The following TBX22 variants were observed in gnomAD, a reference collection of about 807,000 sequenced individuals.
TBX22 encodes T-box transcription factor TBX22.
In TBX22, 8 loss-of-function variants were observed where a neutral mutation model predicts 30.1. The observed-to-expected ratio is 0.27, with a 90% CI of 0.16 to 0.48. The LOEUF is 0.48. Among genes scored for constraint, TBX22 ranks in the 20% least tolerant of loss-of-function variants. The pLI is 0.99. For synonymous variants in TBX22, 173 were observed against 149.1 expected (o/e 1.16, Z -1.17); for missense variants, 463 against 400.5 (o/e 1.16, Z -1.33).
chrX:80,027,381 T>G (rs1475040953), intron 7 of TBX22, 61 bp downstream of exon 7: 3 of 640,600 alleles, frequency 4.7e-6, no homozygotes, highest in East Asian at 3.4e-5. Context: ...CAAGTTTTTT[T>G]TTTTTTTTTT....
chrX:80,024,267 G>A (rs928308374), intron 4 of TBX22, 103 bp downstream of exon 4: 6 of 726,709 alleles, frequency 8.3e-6, no homozygotes, highest in Middle Eastern at 4.3e-4. Flanking sequence ...CTCTAGCATG[G>A]GGGGTGGGAG....
chrX:80,020,289 TTAGA>T lies in TBX22; in HGVS notation c.-2-1953_-2-1950del, dbSNP rs3048745. ...TAAAATATAGATAGATAGAGATAGA[TTAGA>T]TAGATAGATAGATAGATAGATAGAT... On this transcript the variant is annotated intron_variant, in intron 1 of 8. Transcript: ENST00000373296. Among the ~76,000 whole-genome samples, 199 of 104,662 alleles carry T rather than the reference TTAGA, an allele frequency of 1.9e-3. 1 individual carries two copies. Among genetic ancestry groups the T allele is most frequent in the Admixed American group, 6.4e-3 (61 of 9,580 alleles). The allele number at this position is 104,662 out of a possible 115,157, so 90.9% of individuals were successfully genotyped here. A position where few individuals can be genotyped will look rare whatever the true frequency, so the allele number is the denominator to read the frequency against.
chrX:80,025,681 C>A lies in TBX22; in HGVS notation c.537C>A (p.His179Gln). 1.7e-6 allele frequency: 2 copies of A among 1,208,658 alleles called. No individual in the cohort carries two copies. Among genetic ancestry groups the A allele is most frequent in the Non-Finnish European group, 2.2e-6 (2 of 892,770 alleles). ...HLCIIPRFYVHPDSPCSGETW... is the reference protein window; with the variant it reads ...HLCIIPRFYVQPDSPCSGETW... ...GCATCATTCCTAGATTCTATGTTCA[C>A]CCGGACTCACCCTGCTCGGGAGAGA... is the stretch of plus-strand genomic sequence containing the variant. Residue 179 changes from histidine (H) to glutamine (Q), a missense_variant, in exon 5 of 9, where the codon CAC becomes CAA. His to Gln is a conservative substitution (Grantham distance 24). Coordinates refer to ENST00000373296, the MANE Select transcript of TBX22 (RefSeq NM_001109878.2).
chrX:80,025,670 T>C lies in TBX22; in HGVS notation c.526T>C (p.Phe176Leu), dbSNP rs755501455. The part of the protein sequence containing the change: ...NTDHLCIIPR[F>L]YVHPDSPCSG... ...AGACCATTTGTGCATCATTCCTAGA[T>C]TCTATGTTCACCCGGACTCACCCTG... Residue 176 changes from phenylalanine (F) to leucine (L), a missense_variant, in exon 5 of 9, where the codon TTC becomes CTC. Physicochemically the swap from Phe to Leu is conservative, Grantham distance 22 (BLOSUM62 0). Coordinates refer to ENST00000373296, the MANE Select transcript of TBX22 (RefSeq NM_001109878.2). 1 of 1,207,575 alleles carries C rather than the reference T, an allele frequency of 8.3e-7. No individual in the cohort carries two copies. The highest frequency in any genetic ancestry group is 1.8e-5 in the African/African-American group (1 of 57,071).
chrX:80,029,105 CTTAA>C (rs1358382663), intron 8 of TBX22, among the ~76,000 whole-genome samples: 1 of 112,104 alleles, frequency 8.9e-6, no homozygotes, highest in Non-Finnish European at 1.9e-5. Flanking sequence ...ACACAGTTTT[CTTAA>C]TTATTTAACA....
At chrX:80,019,062 T>A (rs1472427356) in intron 1 of TBX22, among the ~76,000 whole-genome samples, 1 of 112,086 alleles carries the variant, frequency 8.9e-6, no homozygotes, top group East Asian at 2.8e-4. Context: ...AAGAAAGTGA[T>A]CTTCCAAATT....
chrX:80,027,241 C>G lies in TBX22; in HGVS notation c.799-15C>G. ...AAGCAATGACTTTATCTTTCTCTCT[C>G]TATTGAATCCATAGATTACGAAACT... On this transcript the variant is annotated splice_polypyrimidine_tract_variant and intron_variant, in intron 6 of 8. Transcript: ENST00000373296. The G allele has an allele frequency of 1.1e-6, 1 of 909,693 alleles. No homozygotes were observed. Among genetic ancestry groups the G allele is most frequent in the Non-Finnish European group, 1.6e-6 (1 of 621,628 alleles). 75.0% of individuals were successfully genotyped at this position (909,693 alleles called of 1,213,427 possible).
At chrX:80,022,146 TTTG>T in intron 1 of TBX22, 119 bp from the exon 2 acceptor site, 2 of 679,671 alleles carry the variant, frequency 2.9e-6, no homozygotes, top group Non-Finnish European at 4.5e-6. Context: ...TTTGTTTTGT[TTTG>T]TTTTTCCCGC....
chrX:80,031,593 G>A lies in TBX22; in HGVS notation c.*482G>A, dbSNP rs951450333. The A allele has an allele frequency of 8.6e-6, 1 of 116,145 alleles. No individual in the cohort carries two copies. Among genetic ancestry groups the A allele is most frequent in the South Asian group, 3.3e-4 (1 of 3,070 alleles). The allele number at this position is 116,145 out of a possible 1,213,427, so 9.6% of individuals were successfully genotyped here. ...AAATTTAATTATTTGTTTGCCTCATGCCTTTATACTTTGCTGTTGAAGAAA... is the reference window on the plus strand; with the variant it reads ...AAATTTAATTATTTGTTTGCCTCATACCTTTATACTTTGCTGTTGAAGAAA... On this transcript the variant is annotated 3_prime_UTR_variant, in exon 9 of 9. Coordinates refer to ENST00000373296, the MANE Select transcript of TBX22 (RefSeq NM_001109878.2).
rs368136178 is a variant in TBX22, at chrX:80,024,158, G to A, written c.452G>A (p.Arg151His). Residue 151 changes from arginine to histidine, a missense_variant, in exon 4 of 9, where the codon CGC becomes CAC. By Grantham distance (29) the Arg-to-His change is conservative (BLOSUM62 0). Coordinates refer to ENST00000373296, the MANE Select transcript of TBX22 (RefSeq NM_001109878.2). ...AIDVVPVDSK[R>H]YRYVYHSSQW... is the part of the protein sequence containing the mutation. ...GATGTGGTGCCGGTGGATTCCAAAC[G>A]CTATAGGTAATGGGCCCCATAGAAT... 3 of 1,208,224 alleles carry A rather than the reference G, an allele frequency of 2.5e-6. No homozygotes were observed. Among genetic ancestry groups the A allele is most frequent in the East Asian group, 5.9e-5 (2 of 33,759 alleles).
Position 80,025,720 on chromosome X carries a change from G to C in TBX22, c.576G>C (p.Gln192His). The C allele has an allele frequency of 8.3e-7, 1 of 1,209,550 alleles. No homozygotes were observed. The highest frequency in any genetic ancestry group is 1.1e-6 in the Non-Finnish European group (1 of 894,924). Residue 192 changes from glutamine to histidine, a missense_variant, in exon 5 of 9, where the codon CAG (glutamine) becomes CAC (histidine). By Grantham distance (24) the Gln-to-His change is conservative (BLOSUM62 0). Transcript: ENST00000373296. ...SPCSGETWMR[Q>H]IISFDRMKLT... ...GCTCGGGAGAGACCTGGATGCGGCAGATCATCAGCTTTGATCGCATGAAAC... is the reference window on the plus strand; with the variant it reads ...GCTCGGGAGAGACCTGGATGCGGCACATCATCAGCTTTGATCGCATGAAAC...
chrX:80,015,198 A>G (rs1482540274), intron 1 of TBX22, among the ~76,000 whole-genome samples: 1 of 112,244 alleles, frequency 8.9e-6, no homozygotes, highest in African/African-American at 3.2e-5. Flanking sequence ...TCCCTCTCCT[A>G]GGCAGCAATG....
Position 80,028,113 on chromosome X carries a change from A to G in TBX22, c.949+37A>G, listed in dbSNP as rs766554460. 5 of 1,100,714 alleles carry G rather than the reference A, an allele frequency of 4.5e-6. No homozygotes were observed. The African/African-American group carries it at 5.7e-5, about 12-fold the overall frequency. 90.7% of individuals were successfully genotyped at this position (1,100,714 alleles called of 1,213,427 possible). A position where few individuals can be genotyped will look rare whatever the true frequency, so the allele number is the denominator to read the frequency against. On this transcript the variant is annotated intron_variant, in intron 8 of 8. Transcript: ENST00000373296. ...TGGAACGTTTGTTTTATTTTTACAT[A>G]TCAATTAAATAACAACATCCGGAAC...
chrX:80,022,315 G>A lies in TBX22; in HGVS notation c.46G>A (p.Val16Met), dbSNP rs1602408244. 3 of 1,209,476 alleles carry A rather than the reference G, an allele frequency of 2.5e-6. No individual in the cohort carries two copies. The South Asian group carries it at 5.3e-5, about 21-fold the overall frequency. The change falls in exon 2 of 9, where the codon GTG (valine) becomes ATG (methionine). Residue 16 changes from valine to methionine, a missense_variant. Val to Met is a conservative substitution (Grantham distance 21). Coordinates refer to ENST00000373296, the MANE Select transcript of TBX22 (RefSeq NM_001109878.2). ...GCGTGCCTTCTCCGTGGAAGCCTTG[G>A]TGGGGAGACCCAGCAAAAGAAAACT... ...RARAFSVEALVGRPSKRKLQD... is the reference protein window; with the variant it reads ...RARAFSVEALMGRPSKRKLQD...
intron 2 of TBX22, 31 bp from the exon 3 acceptor site, chrX:80,023,029 C>G: frequency 8.3e-7 from 1 of 1,205,703 alleles, no homozygotes; most frequent in Non-Finnish European, 1.1e-6. Flanking sequence ...GACGCTCTCT[C>G]AAACCCTGAG....
intron 1 of TBX22, among the ~76,000 whole-genome samples, chrX:80,016,540 A>C (rs147427600): frequency 0.058 from 6,433 of 111,378 alleles, 344 homozygotes; most frequent in East Asian, 0.46. Context: ...AACTTGGCAT[A>C]TCTCCGTTCA....
At chrX:80,024,285 T>C in intron 4 of TBX22, 121 bp downstream of exon 4, 1 of 573,631 alleles carries the variant, frequency 1.7e-6, no homozygotes. Flanking sequence ...GAGTGGGGGA[T>C]TGCTCTCCTG....
rs1308024571 is a variant in TBX22, at chrX:80,027,241, C to A, written c.799-15C>A. On this transcript the variant is annotated splice_polypyrimidine_tract_variant and intron_variant, in intron 6 of 8. Coordinates refer to ENST00000373296, the MANE Select transcript of TBX22 (RefSeq NM_001109878.2). Reference sequence around the variant, plus strand: ...AAGCAATGACTTTATCTTTCTCTCTCTATTGAATCCATAGATTACGAAACT... The same window carrying A: ...AAGCAATGACTTTATCTTTCTCTCTATATTGAATCCATAGATTACGAAACT... 1.4e-5 allele frequency: 13 copies of A among 907,959 alleles called. No individual in the cohort carries two copies. Among genetic ancestry groups the A allele is most frequent in the Non-Finnish European group, 1.8e-5 (11 of 621,378 alleles). The allele number at this position is 907,959 out of a possible 1,213,427, so 74.8% of individuals were successfully genotyped here.
chrX:80,026,573 G>A, intron 5 of TBX22, 131 bp from the exon 6 acceptor site: 1 of 699,783 alleles, frequency 1.4e-6, no homozygotes, highest in Non-Finnish European at 2.2e-6. Flanking sequence ...AGGCCAAATG[G>A]CACAACAAAG....
Sources: gnomAD v4.1 joint callset for allele counts (sites outside exome capture counted in the v4.1 genomes callset) on GRCh38, gnomAD v4.1.1 for gene constraint, MANE v1.5 for transcripts, NCBI Gene and HGNC (gene_info 2026-07-23, HGNC 2026-07-21) for gene names.